Variants in ERCC6L2 observed in about 807,000 individuals in gnomAD.
ERCC6L2 encodes the protein DNA excision repair protein ERCC-6-like 2.
Under a neutral mutation model 132.0 loss-of-function variants are expected in ERCC6L2, and 77 were observed. The ratio of observed to expected loss-of-function variants is 0.58; its 90% CI spans 0.49 to 0.71. The LOEUF (loss-of-function observed/expected upper bound fraction) is 0.71, where lower values mean the gene tolerates loss of function less well. ERCC6L2 is among the 30% of genes least tolerant of loss of function. The pLI is 0.00. For synonymous variants in ERCC6L2, 583 were observed against 632.4 expected (o/e 0.92, Z 1.17); for missense variants, 1,542 against 1,837.6 (o/e 0.84, Z 2.94).
intron 2 of ERCC6L2, among the ~76,000 whole-genome samples, chr9:95,895,740 T>C (rs1274255844): frequency 6.7e-6 from 1 of 149,386 alleles, no homozygotes; most frequent in Non-Finnish European, 1.5e-5. Flanking sequence ...TTTTTTTTTT[T>C]TTTTTGAGAC....
chr9:96,020,707 A>C, downstream of ERCC6L2: 1 of 447,408 alleles, frequency 2.2e-6, no homozygotes, highest in Non-Finnish European at 4.5e-6. Flanking sequence ...CGCAGCTCAA[A>C]AGGAGAAACA....
At chr9:95,932,387 T>C (rs1375496309) in intron 11 of ERCC6L2, among the ~76,000 whole-genome samples, 1 of 152,176 alleles carries the variant, frequency 6.6e-6, no homozygotes, top group Non-Finnish European at 1.5e-5. Context: ...CTAAAGTTTT[T>C]CTTGCTTTCT....
chr9:95,891,188 G>A (rs1828142651), intron 2 of ERCC6L2, among the ~76,000 whole-genome samples: 1 of 152,164 alleles, frequency 6.6e-6, no homozygotes. Context: ...ACTCCAGCCT[G>A]GGCAACAAGT....
At chr9:96,019,796 A>C (rs145465321), downstream of ERCC6L2, 2 of 152,344 alleles carry the variant, frequency 1.3e-5, no homozygotes, top group East Asian at 3.9e-4. Flanking sequence ...CAGGAAGCTT[A>C]CAATCATGGA....
At chr9:96,040,272 T>A (rs1354551535) in intron 20 of ERCC6L2, among the ~76,000 whole-genome samples, 1 of 151,964 alleles carries the variant, frequency 6.6e-6, no homozygotes, top group Non-Finnish European at 1.5e-5. Flanking sequence ...GGGCGTCACG[T>A]CCTCCCTGGG....
At chr9:95,997,906 A>G (rs1213230311) in intron 17 of ERCC6L2, among the ~76,000 whole-genome samples, 4 of 152,224 alleles carry the variant, frequency 2.6e-5, no homozygotes, top group African/African-American at 7.2e-5. Context: ...AGCAACTGCA[A>G]TGCAGCATTA....
In ERCC6L2 at chr9:95,875,874, G is replaced by C; in HGVS notation, c.-165G>C. ...TCCCCTTAGTCGCTACCTTTGCTGG[G>C]ATCCCCCTCCTCCATCCTGTGGCTT... On this transcript the variant is annotated 5_prime_UTR_variant, in exon 1 of 19. Coordinates refer to ENST00000653738, the MANE Select transcript of ERCC6L2 (RefSeq NM_020207.7). The C allele has an allele frequency of 3.0e-6, 2 of 675,540 alleles. No homozygotes were observed. Among genetic ancestry groups the C allele is most frequent in the Non-Finnish European group, 5.0e-6 (2 of 396,998 alleles). The allele number at this position is 675,540 out of a possible 1,614,324, so 41.8% of individuals were successfully genotyped here.
Position 96,004,537 on chromosome 9 carries a change from G to T in ERCC6L2, c.3510G>T (p.Val1170=). 7.7e-7 allele frequency: 1 copy of T among 1,304,884 alleles called. No homozygotes were observed. The highest frequency in any genetic ancestry group is 5.5e-5 in the East Asian group (1 of 18,186). The allele number at this position is 1,304,884 out of a possible 1,614,324, so 80.8% of individuals were successfully genotyped here. The change falls in exon 18 of 19, where the codon GTG becomes GTT. Residue 1170 remains valine, a synonymous_variant. Transcript: ENST00000653738. ...VCSSKTYKEK[V]DADTLPHTKK... ...TTTTTCAGACATATAAAGAAAAAGTGGATGCAGATACATTGCCACACACAA... is the reference window on the plus strand; with the variant it reads ...TTTTTCAGACATATAAAGAAAAAGTTGATGCAGATACATTGCCACACACAA...
At chr9:96,036,760 A>ATTTTT (rs199913565) in intron 19 of ERCC6L2, among the ~76,000 whole-genome samples, 1 of 102,546 alleles carries the variant, frequency 9.8e-6, no homozygotes, top group Non-Finnish European at 2.2e-5. Context: ...TATTATTATT[A>ATTTTT]TTATTTTTAT....
At chr9:95,999,187 CCT>C (rs1833570862) in intron 17 of ERCC6L2, among the ~76,000 whole-genome samples, 1 of 152,062 alleles carries the variant, frequency 6.6e-6, no homozygotes, top group Admixed American at 6.6e-5. Flanking sequence ...GGTGAAACCC[CCT>C]CTCTACTAAA....
At chr9:95,946,268 C>T (rs1831059364) in intron 12 of ERCC6L2, among the ~76,000 whole-genome samples, 1 of 152,178 alleles carries the variant, frequency 6.6e-6, no homozygotes, top group African/African-American at 2.4e-5. Flanking sequence ...GTGGCTCACA[C>T]CTGTAATCCC....
rs1234776609 is a variant in ERCC6L2, at chr9:96,017,457, G to A, written c.*4254G>A. On this transcript the variant is annotated 3_prime_UTR_variant, in exon 19 of 19. Coordinates refer to ENST00000653738, the MANE Select transcript of ERCC6L2 (RefSeq NM_020207.7). The stretch of plus-strand genomic sequence containing the variant: ...TGTGTGGTTCCCAGCCCCAAGGGTA[G>A]CAAGTCAGAACCTCCGGAGAGGCTT... Among the ~76,000 whole-genome samples the A allele has an allele frequency of 6.6e-6, 1 of 152,178 alleles. No homozygotes were observed. Among genetic ancestry groups the A allele is most frequent in the East Asian group, 1.9e-4 (1 of 5,204 alleles).
chr9:96,036,728 C>T lies in ERCC6L2; in HGVS notation c.*1504-2148C>T, dbSNP rs182043863. On this transcript the variant is annotated intron_variant and NMD_transcript_variant, in intron 19 of 20. Transcript: ENST00000670016. The stretch of plus-strand genomic sequence containing the variant: ...CCATCCTAATGGGTATGAGGTGAAG[C>T]CCCATTTTTTTAAATTATTATTATT... Among the ~76,000 whole-genome samples, 949 of 150,428 alleles carry T rather than the reference C, an allele frequency of 6.3e-3. 7 individuals are homozygous for T. Among genetic ancestry groups the T allele is most frequent in the Non-Finnish European group, 7.9e-3 (535 of 67,642 alleles).
chr9:95,910,769 A>T (rs1011403707), intron 4 of ERCC6L2, among the ~76,000 whole-genome samples: 1 of 152,190 alleles, frequency 6.6e-6, no homozygotes, highest in Non-Finnish European at 1.5e-5. Flanking sequence ...CAAGCTAATA[A>T]ATTAGCCTGT....
intron 16 of ERCC6L2, 22 bp from the exon 17 acceptor site, chr9:95,978,039 A>G: frequency 7.4e-7 from 1 of 1,352,872 alleles, no homozygotes; most frequent in South Asian, 1.2e-5. Context: ...ACATCACTTA[A>G]TAAACATAAA....
chr9:95,966,702 G>A lies in ERCC6L2; in HGVS notation c.2088G>A (p.Lys696=), dbSNP rs1359775556. 2 of 1,470,536 alleles carry A rather than the reference G, an allele frequency of 1.4e-6. No individual in the cohort carries two copies. The highest frequency in any genetic ancestry group is 1.8e-6 in the Non-Finnish European group (2 of 1,089,696). 91.1% of individuals were successfully genotyped at this position (1,470,536 alleles called of 1,614,324 possible). A position where few individuals can be genotyped will look rare whatever the true frequency, so the allele number is the denominator to read the frequency against. Residue 696 remains lysine, a synonymous_variant, in exon 14 of 19, where the codon AAG becomes AAA. Coordinates refer to ENST00000653738, the MANE Select transcript of ERCC6L2 (RefSeq NM_020207.7). ...GGTCCCAAGGGTCTTGTCTTACGAA[G>A]GACATCCTGGAGGTGTGAACTTCTT... The part of the protein sequence containing the change: ...KFRSQGSCLT[K]DILEREGQVE...
At position 95,898,094 on chromosome 9, in the gene ERCC6L2, A is replaced by G. The variant is rs62562960; in HGVS notation, c.594+123A>G. On this transcript the variant is annotated intron_variant, in intron 3 of 18. Transcript: ENST00000653738. ...CATTTTAAAACCTAAGAATTTAAAG[A>G]TGTTATTAAAATATTTGTTTTATAG... 82,967 of 886,140 alleles carry G rather than the reference A, an allele frequency of 0.094. 4,428 individuals are homozygous for G. Among genetic ancestry groups the G allele is most frequent in the Admixed American group, 0.16 (4,991 of 30,350 alleles). The allele number at this position is 886,140 out of a possible 1,614,324, so 54.9% of individuals were successfully genotyped here.
At chr9:95,944,952 C>T (rs949601604) in intron 12 of ERCC6L2, among the ~76,000 whole-genome samples, 1 of 152,088 alleles carries the variant, frequency 6.6e-6, no homozygotes, top group African/African-American at 2.4e-5. Context: ...GACCACAGGA[C>T]CGGGGCGAAA....
intron 2 of ERCC6L2, among the ~76,000 whole-genome samples, chr9:95,886,013 T>C (rs1173230905): frequency 6.6e-6 from 1 of 152,062 alleles, no homozygotes; most frequent in African/African-American, 2.4e-5. Context: ...TTTTTGTTGT[T>C]GTTCTCTTTT....
Sources: allele counts gnomAD v4.1 joint callset (sites outside exome capture counted in the v4.1 genomes callset), GRCh38; gene constraint gnomAD v4.1.1; transcripts MANE v1.5; gene names NCBI Gene and HGNC (gene_info 2026-07-23, HGNC 2026-07-21).